The following TRAF3IP3 variants were observed in gnomAD, a reference collection of about 807,000 sequenced individuals.
TRAF3IP3 encodes the protein TRAF3 interacting protein 3.
Under a neutral mutation model 86.5 loss-of-function variants are expected in TRAF3IP3, and 64 were observed. That is an observed-to-expected ratio of 0.74 (90% CI 0.60 to 0.91). The LOEUF is 0.91. Ranked by LOEUF, TRAF3IP3 falls within the 40% of genes least tolerant of loss-of-function variation. The pLI is 0.00. For missense variants in TRAF3IP3, 579 were observed against 642.9 expected (o/e 0.90, Z 1.07); for synonymous variants, 220 against 243.9 (o/e 0.90, Z 0.91).
At chr1:209,760,515 C>A in intron 3 of TRAF3IP3, 131 bp downstream of exon 3, 3 of 756,468 alleles carry the variant, frequency 4.0e-6, no homozygotes, top group Non-Finnish European at 6.3e-6. Context: ...AGTAAAGTTG[C>A]CAAGAGCTAC....
At position 209,775,354 on chromosome 1, in the gene TRAF3IP3, C is replaced by A. The variant is rs750158426; in HGVS notation, c.780C>A (p.Tyr260Ter). The A allele has an allele frequency of 6.2e-7, 1 of 1,611,032 alleles. No homozygotes were observed. Among genetic ancestry groups the A allele is most frequent in the African/African-American group, 1.3e-5 (1 of 74,810 alleles). The change falls in exon 10 of 17, where the codon TAC becomes TAA. Residue 260 changes from tyrosine (Y) to a stop codon, truncating the protein, a stop_gained. Transcript: ENST00000367025. LOFTEE classifies it high-confidence loss of function. ...GAATTGCATCAAATTTACAGAAATA[C>A]TCCCCTTGGGGAATGAAAAAAGTAC... ...ENQLYTCTQK[Y>*]SPWGMKKVLL...
In TRAF3IP3 at chr1:209,780,685, T is replaced by C. The variant is rs548305173; in HGVS notation, c.1449+79T>C. On this transcript the variant is annotated intron_variant, in intron 15 of 16. Transcript: ENST00000367025. ...CTGGGAGGCAGTCAAAAAGCAGGGA[T>C]TTCAAAGTTTAAGTTGTGAGTGGAT... 38 of 1,357,976 alleles carry C rather than the reference T, an allele frequency of 2.8e-5. No individual in the cohort carries two copies. In the African/African-American group the frequency reaches 4.6e-4, roughly 16 times the overall value. The allele number at this position is 1,357,976 out of a possible 1,614,324, so 84.1% of individuals were successfully genotyped here. A position where few individuals can be genotyped will look rare whatever the true frequency, so the allele number is the denominator to read the frequency against.
chr1:209,781,757 A>G (rs1291183974), intron 16 of TRAF3IP3: 1 of 486,532 alleles, frequency 2.1e-6, no homozygotes, highest in Non-Finnish European at 3.7e-6. Flanking sequence ...AGGACACAAA[A>G]GTACTGGGGA....
intron 5 of TRAF3IP3, 53 bp downstream of exon 5, chr1:209,762,923 A>C: frequency 5.6e-6 from 9 of 1,609,784 alleles, no homozygotes; most frequent in Non-Finnish European, 7.7e-6. Flanking sequence ...CTCTAGAGAG[A>C]ACACAATGAA....
intron 8 of TRAF3IP3, among the ~76,000 whole-genome samples, chr1:209,764,360 A>G (rs1344282387): frequency 2.0e-5 from 3 of 152,202 alleles, no homozygotes; most frequent in Non-Finnish European, 4.4e-5. Flanking sequence ...GACTCCAGAG[A>G]AGAAAAGAGC....
chr1:209,780,658 A>G, intron 15 of TRAF3IP3, 52 bp downstream of exon 15: 1 of 1,446,700 alleles, frequency 6.9e-7, no homozygotes, highest in Non-Finnish European at 9.2e-7. Flanking sequence ...TAGCAGAGAA[A>G]CCTGGGAGGC....
intron 1 of TRAF3IP3, among the ~76,000 whole-genome samples, chr1:209,757,600 T>A (rs953600741): frequency 1.3e-5 from 2 of 152,030 alleles, no homozygotes; most frequent in Admixed American, 1.3e-4. Context: ...ATCCCCTCAA[T>A]CTGGTAAACA....
intron 8 of TRAF3IP3, among the ~76,000 whole-genome samples, chr1:209,771,750 C>T (rs1214958110): frequency 5.2e-3 from 286 of 54,562 alleles, no homozygotes; most frequent in Middle Eastern, 0.053. Flanking sequence ...GAGGTGTGTG[C>T]GCGCATGTGA....
At chr1:209,759,909 G>A (rs2077215617) in intron 2 of TRAF3IP3, 73 bp from the exon 3 acceptor site, 10 of 714,060 alleles carry the variant, frequency 1.4e-5, no homozygotes, top group Non-Finnish European at 1.9e-5. Context: ...TCTGCCCCCT[G>A]GTCTAGGGAG....
intron 8 of TRAF3IP3, among the ~76,000 whole-genome samples, chr1:209,772,397 T>C (rs147663380): frequency 6.6e-6 from 1 of 152,266 alleles, no homozygotes; most frequent in East Asian, 1.9e-4. Context: ...ACTACATCTT[T>C]AAAGACCCTT....
At chr1:209,764,070 G>A (rs1175939689) in intron 8 of TRAF3IP3, among the ~76,000 whole-genome samples, 2 of 152,136 alleles carry the variant, frequency 1.3e-5, no homozygotes, top group Admixed American at 1.3e-4. Flanking sequence ...GCTTCATAGG[G>A]GTCAAGTAAC....
chr1:209,773,571 A>T (rs986340640), intron 9 of TRAF3IP3, among the ~76,000 whole-genome samples: 5 of 152,238 alleles, frequency 3.3e-5, no homozygotes, highest in African/African-American at 1.2e-4. Flanking sequence ...GAAAGAAATC[A>T]GCTTTCACAT....
At position 209,765,123 on chromosome 1, in the gene TRAF3IP3, G is replaced by A. The variant is rs529094513; in HGVS notation, c.702+1536G>A. On this transcript the variant is annotated intron_variant, in intron 8 of 16. Coordinates refer to ENST00000367025, the MANE Select transcript of TRAF3IP3 (RefSeq NM_025228.4). Reference sequence around the variant, plus strand: ...CCAGGAAGTGGAGGTTGCAGTGAGCGATGATAGTGCCACTACACTCCAGCC... The same window carrying A: ...CCAGGAAGTGGAGGTTGCAGTGAGCAATGATAGTGCCACTACACTCCAGCC... 1.3e-3 allele frequency among the ~76,000 whole-genome samples: 199 copies of A among 150,328 alleles called. 1 individual carries two copies. Among genetic ancestry groups the A allele is most frequent in the African/African-American group, 4.7e-3 (193 of 40,926 alleles).
At chr1:209,763,617 G>A in intron 8 of TRAF3IP3, 30 bp downstream of exon 8, 1 of 1,546,234 alleles carries the variant, frequency 6.5e-7, no homozygotes, top group Non-Finnish European at 8.8e-7. Flanking sequence ...TTTGAACAAA[G>A]CTTGGGCTTC....
chr1:209,774,517 C>A (rs2102498997), intron 9 of TRAF3IP3, among the ~76,000 whole-genome samples: 1 of 152,256 alleles, frequency 6.6e-6, no homozygotes, highest in South Asian at 2.1e-4. Context: ...TGGACTGAAT[C>A]TTGAGTATTA....
chr1:209,759,638 T>C (rs1165064845), intron 2 of TRAF3IP3, among the ~76,000 whole-genome samples: 1 of 152,240 alleles, frequency 6.6e-6, no homozygotes, highest in Non-Finnish European at 1.5e-5. Flanking sequence ...CAAGAGGCTA[T>C]AAGCTCATTA....
chr1:209,776,785 C>T (rs545602644), intron 11 of TRAF3IP3: 2 of 152,196 alleles, frequency 1.3e-5, no homozygotes, highest in Non-Finnish European at 2.9e-5. Context: ...CAATGACAAC[C>T]ACTTACATTT....
chr1:209,780,234 G>T (rs1275975796), intron 14 of TRAF3IP3: 2 of 321,954 alleles, frequency 6.2e-6, no homozygotes, highest in African/African-American at 4.3e-5. Flanking sequence ...TAAGACTGGG[G>T]ATACAAAGAA....
At chr1:209,765,223 GAGA>G (rs2077327065) in intron 8 of TRAF3IP3, among the ~76,000 whole-genome samples, 1 of 99,290 alleles carries the variant, frequency 1.0e-5, no homozygotes, top group African/African-American at 4.4e-5. Context: ...GGGAGAGAGA[GAGA>G]GAGGAAGGAA....
Sources: gnomAD v4.1 joint callset for allele counts (sites outside exome capture counted in the v4.1 genomes callset) on GRCh38, gnomAD v4.1.1 for gene constraint, MANE v1.5 for transcripts, NCBI Gene and HGNC (gene_info 2026-07-23, HGNC 2026-07-21) for gene names.